ZFPM2: variants seen among roughly 807,000 people sequenced by gnomAD.
ZFPM2 encodes zinc finger protein ZFPM2.
In ZFPM2, 20 loss-of-function variants were observed where a neutral mutation model predicts 98.6. The ratio of observed to expected loss-of-function variants is 0.20; its 90% CI spans 0.14 to 0.29. ZFPM2 has a LOEUF of 0.29. Ranked by LOEUF, ZFPM2 falls within the 10% of genes least tolerant of loss-of-function variation. The pLI is 1.00. For missense variants in ZFPM2, 1,310 were observed against 1,388.6 expected, an observed-to-expected ratio of 0.94 and a Z score of 0.90; for synonymous variants, 518 against 502.7, an observed-to-expected ratio of 1.03 and a Z score of -0.41.
chr8:105,716,413 T>A (rs1484461687), intron 5 of ZFPM2, among the ~76,000 whole-genome samples: 3 of 151,870 alleles, frequency 2.0e-5, no homozygotes, highest in Non-Finnish European at 2.9e-5. Context: ...CATACACACA[T>A]AAATATATAT....
At chr8:105,436,372 G>C (rs1812118964) in intron 2 of ZFPM2, among the ~76,000 whole-genome samples, 1 of 151,874 alleles carries the variant, frequency 6.6e-6, no homozygotes, top group African/African-American at 2.4e-5. Flanking sequence ...ATACAAAGTT[G>C]ACTGGGTGTG....
intron 5 of ZFPM2, among the ~76,000 whole-genome samples, chr8:105,666,950 T>C (rs1018926598): frequency 2.0e-5 from 3 of 152,206 alleles, no homozygotes; most frequent in Non-Finnish European, 4.4e-5. Context: ...CAAAGTACTT[T>C]TGTTTCATAT....
intron 1 of ZFPM2, among the ~76,000 whole-genome samples, chr8:105,406,139 T>C (rs1811453266): frequency 6.6e-6 from 1 of 152,148 alleles, no homozygotes; most frequent in African/African-American, 2.4e-5. Context: ...TTTTTTCTTG[T>C]AATTTTGTTT....
chr8:105,504,089 C>T (rs1034246077), intron 3 of ZFPM2, among the ~76,000 whole-genome samples: 9 of 152,072 alleles, frequency 5.9e-5, no homozygotes, highest in Non-Finnish European at 1.0e-4. Context: ...AGATAACTCC[C>T]CTAGGATTAA....
chr8:105,602,899 G>C (rs540083055), intron 4 of ZFPM2, among the ~76,000 whole-genome samples: 2 of 152,170 alleles, frequency 1.3e-5, no homozygotes, highest in South Asian at 2.1e-4. Flanking sequence ...TCACAGACTG[G>C]ATACTTTTTA....
chr8:105,786,447 A>G (rs7821554), intron 5 of ZFPM2, among the ~76,000 whole-genome samples: 14,044 of 152,254 alleles, frequency 0.092, 2,157 homozygotes, highest in African/African-American at 0.31. Context: ...ATGAATAGCC[A>G]ATTAACGAAT....
chr8:105,682,871 G>T (rs1563519645), intron 5 of ZFPM2, among the ~76,000 whole-genome samples: 1 of 152,154 alleles, frequency 6.6e-6, no homozygotes, highest in Non-Finnish European at 1.5e-5. Flanking sequence ...AGTCAGTTCA[G>T]TTCAATCACT....
intron 3 of ZFPM2, among the ~76,000 whole-genome samples, chr8:105,473,825 T>C (rs1812958004): frequency 6.6e-6 from 1 of 152,238 alleles, no homozygotes; most frequent in African/African-American, 2.4e-5. Flanking sequence ...AGTGTGTATA[T>C]ATAAATATAG....
At chr8:105,423,955 TGTCACTG>T (rs1280310888) in intron 2 of ZFPM2, among the ~76,000 whole-genome samples, 1 of 152,090 alleles carries the variant, frequency 6.6e-6, no homozygotes, top group African/African-American at 2.4e-5. Context: ...ATCAGATCAA[TGTCACTG>T]GTTGCTAGTA....
In ZFPM2 at chr8:105,802,698, C is replaced by T. The variant is rs996892719; in HGVS notation, c.2616C>T (p.His872=). Residue 872 remains histidine (H), a synonymous_variant, in exon 8 of 8, where the codon CAC becomes CAT. Coordinates refer to ENST00000407775, the MANE Select transcript of ZFPM2 (RefSeq NM_012082.4). ...SFNKVENYLA[H]KQNFCPVTAH... ...ATAAGGTAGAAAACTATCTGGCCCA[C>T]AAGCAGAATTTCTGCCCGGTTACTG... is the stretch of plus-strand genomic sequence containing the variant. 5 of 1,611,910 alleles carry T rather than the reference C, an allele frequency of 3.1e-6. No individual in the cohort carries two copies. The African/African-American group carries it at 6.7e-5, about 22-fold the overall frequency.
chr8:105,403,893 G>C (rs1811387662), intron 1 of ZFPM2, among the ~76,000 whole-genome samples: 1 of 151,752 alleles, frequency 6.6e-6, no homozygotes, highest in African/African-American at 2.4e-5. Flanking sequence ...GATAGTTCCT[G>C]GTAATATTTA....
intron 5 of ZFPM2, among the ~76,000 whole-genome samples, chr8:105,752,536 C>T (rs1007416529): frequency 5.3e-5 from 8 of 152,096 alleles, no homozygotes; most frequent in Non-Finnish European, 7.4e-5. Context: ...TTTTAAAGCC[C>T]GTGGACGTTC....
chr8:105,738,318 A>G (rs1812132523), intron 5 of ZFPM2, among the ~76,000 whole-genome samples: 1 of 151,798 alleles, frequency 6.6e-6, no homozygotes, highest in Non-Finnish European at 1.5e-5. Context: ...AGTGGTCTCT[A>G]TTTCCTCCCA....
At chr8:105,705,497 T>C (rs1811234853) in intron 5 of ZFPM2, among the ~76,000 whole-genome samples, 1 of 152,196 alleles carries the variant, frequency 6.6e-6, no homozygotes, top group African/African-American at 2.4e-5. Context: ...AATAATTTAC[T>C]GTACAAATTG....
chr8:105,552,674 G>T (rs1814889010), intron 3 of ZFPM2, among the ~76,000 whole-genome samples: 1 of 100,166 alleles, frequency 1.0e-5, no homozygotes, highest in Admixed American at 9.4e-5. Context: ...CATATAAAAA[G>T]ACTTTAGAGC....
At chr8:105,325,634 G>T (rs1159541865) in intron 1 of ZFPM2, among the ~76,000 whole-genome samples, 1 of 151,658 alleles carries the variant, frequency 6.6e-6, no homozygotes, top group Non-Finnish European at 1.5e-5. Flanking sequence ...ACTGTTTAGG[G>T]ATCTAGTTTG....
rs146243683 is a variant in ZFPM2 at position 105,590,861 on chromosome 8, G to A, written c.420+29380G>A. Among the ~76,000 whole-genome samples, 549 of 152,222 alleles carry A rather than the reference G, an allele frequency of 3.6e-3. 3 individuals carry two copies. Among genetic ancestry groups the A allele is most frequent in the Admixed American group, 7.1e-3 (108 of 15,284 alleles). ...ACACAAGACACATGGTCCACTTTAG[G>A]AATAAGCAAAACCCATATATCAGAC... On this transcript the variant is annotated intron_variant, in intron 4 of 7. Coordinates refer to ENST00000407775, the MANE Select transcript of ZFPM2 (RefSeq NM_012082.4).
chr8:105,695,311 T>C (rs2130946571), intron 5 of ZFPM2, among the ~76,000 whole-genome samples: 1 of 151,410 alleles, frequency 6.6e-6, no homozygotes, highest in East Asian at 1.9e-4. Context: ...TTTACAGCAG[T>C]GTCTTCGCAG....
At chr8:105,461,531 A>G (rs1001379185) in intron 3 of ZFPM2, among the ~76,000 whole-genome samples, 11 of 152,288 alleles carry the variant, frequency 7.2e-5, no homozygotes, top group Non-Finnish European at 1.5e-4. Flanking sequence ...TTAATAAATC[A>G]GTGGTCCTAA....
Sources: gnomAD v4.1 joint callset for allele counts (sites outside exome capture counted in the v4.1 genomes callset) on GRCh38, gnomAD v4.1.1 for gene constraint, MANE v1.5 for transcripts, NCBI Gene and HGNC (gene_info 2026-07-23, HGNC 2026-07-21) for gene names.